The following CCBE1 variants were observed in gnomAD, a reference collection of about 807,000 sequenced individuals.
The protein encoded by CCBE1 is collagen and calcium binding EGF domains 1.
A neutral mutation model predicts 50.0 loss-of-function variants in CCBE1; 37 were observed. That is an observed-to-expected ratio of 0.74 (90% CI 0.57 to 0.97). The LOEUF (loss-of-function observed/expected upper bound fraction) is 0.97. Among genes scored for constraint, CCBE1 ranks in the 50% least tolerant of loss-of-function variants. The pLI, the probability that CCBE1 is intolerant of heterozygous loss-of-function variation, is 0.00. For synonymous variants in CCBE1, 234 were observed against 203.7 expected, an observed-to-expected ratio of 1.15 and a Z score of -1.27; for missense variants, 538 against 523.8, an observed-to-expected ratio of 1.03 and a Z score of -0.26.
intron 2 of CCBE1, among the ~76,000 whole-genome samples, chr18:59,496,227 A>G (rs2143822117): frequency 6.6e-6 from 1 of 152,260 alleles, no homozygotes; most frequent in South Asian, 2.1e-4. Flanking sequence ...CTACCATTGT[A>G]CATCCACACT....
At chr18:59,585,037 C>T (rs1230188458) in intron 2 of CCBE1, among the ~76,000 whole-genome samples, 1 of 152,114 alleles carries the variant, frequency 6.6e-6, no homozygotes, top group Non-Finnish European at 1.5e-5. Context: ...ACCTGGCTTG[C>T]AAGACGCACC....
In CCBE1 at chr18:59,437,426, G is replaced by C. The variant is rs1044837606; in HGVS notation, c.987+685C>G. Among the ~76,000 whole-genome samples, 8 of 152,296 alleles carry C rather than the reference G, an allele frequency of 5.3e-5. No homozygotes were observed. The East Asian group carries it at 1.5e-3, about 29-fold the overall frequency. On this transcript the variant is annotated intron_variant, in intron 10 of 10. Coordinates refer to ENST00000439986, the MANE Select transcript of CCBE1 (RefSeq NM_133459.4). ...TTCCACTATCGCCACTGCACAGTGG[G>C]GGGCAAGAATGCCCAGAGACCCTCA...
intron 2 of CCBE1, chr18:59,686,217 T>A (rs1335368128): frequency 6.6e-6 from 1 of 152,152 alleles, no homozygotes; most frequent in Non-Finnish European, 1.5e-5. Context: ...GTTTTTGGGG[T>A]CAGTGGGAAT....
At position 59,433,158 on chromosome 18, in the gene CCBE1, C is replaced by T. The variant is rs1910001108; in HGVS notation, c.*2750G>A. 1.3e-5 allele frequency: 2 copies of T among 152,204 alleles called. No homozygotes were observed. Among genetic ancestry groups the T allele is most frequent in the South Asian group, 2.1e-4 (1 of 4,818 alleles). 9.4% of individuals were successfully genotyped at this position (152,204 alleles called of 1,614,324 possible). ...AAGATGCTAGATAAAGAGCACCCCA[C>T]CCTAAAAAGAAATTTTTTCTTTTTA... On this transcript the variant is annotated 3_prime_UTR_variant, in exon 11 of 11. Transcript: ENST00000439986.
At chr18:59,595,114 CAAAAA>C (rs546035209) in intron 2 of CCBE1, among the ~76,000 whole-genome samples, 3 of 73,586 alleles carry the variant, frequency 4.1e-5, no homozygotes, top group African/African-American at 1.3e-4. Context: ...GACTCTGTCT[CAAAAA>C]AAAAAAAAAA....
Position 59,480,178 on chromosome 18 carries a change from T to C in CCBE1, c.265+8A>G, listed in dbSNP as rs181010692. On this transcript the variant is annotated splice_region_variant and intron_variant, in intron 3 of 10. Transcript: ENST00000439986. ...AAAGTCAGACAATATCTTTTTTATA[T>C]TACATACCTTCTGGGATGCATTGTC... The C allele has an allele frequency of 6.4e-7, 1 of 1,557,572 alleles. No individual in the cohort carries two copies. Among genetic ancestry groups the C allele is most frequent in the Non-Finnish European group, 8.9e-7 (1 of 1,129,284 alleles).
intron 2 of CCBE1, among the ~76,000 whole-genome samples, chr18:59,600,904 G>A (rs2851842): frequency 0.54 from 81,091 of 150,898 alleles, 22,863 homozygotes; most frequent in East Asian, 0.74. Flanking sequence ...TATACATAAT[G>A]ATTTTTCCTT....
rs534758342 is a variant in CCBE1, at chr18:59,507,244, A to C, written c.213-27006T>G. On this transcript the variant is annotated intron_variant, in intron 2 of 10. Transcript: ENST00000439986. Reference sequence around the variant, plus strand: ...CAGGATTCAGCCCTCCATTTCATTCACTCTACCAAAGATCAAGCCCTGTCA... The same window carrying C: ...CAGGATTCAGCCCTCCATTTCATTCCCTCTACCAAAGATCAAGCCCTGTCA... 1.3e-4 allele frequency among the ~76,000 whole-genome samples: 19 copies of C among 151,994 alleles called. No individual in the cohort carries two copies. In the South Asian group the frequency reaches 4.0e-3, roughly 32 times the overall value.
At chr18:59,514,146 G>T (rs899662007) in intron 2 of CCBE1, among the ~76,000 whole-genome samples, 1 of 152,246 alleles carries the variant, frequency 6.6e-6, no homozygotes, top group Non-Finnish European at 1.5e-5. Context: ...GACCAATTCT[G>T]CATCTTTTAC....
At chr18:59,556,226 G>C (rs888306374) in intron 2 of CCBE1, among the ~76,000 whole-genome samples, 1 of 152,174 alleles carries the variant, frequency 6.6e-6, no homozygotes, top group Non-Finnish European at 1.5e-5. Flanking sequence ...CAGACAAGGT[G>C]TCTTGTCCTC....
intron 2 of CCBE1, among the ~76,000 whole-genome samples, chr18:59,538,829 T>A (rs1915352752): frequency 6.6e-6 from 1 of 152,176 alleles, no homozygotes; most frequent in Non-Finnish European, 1.5e-5. Context: ...GGGTAGGGAC[T>A]TATTTCTAAC....
chr18:59,693,002 AC>A (rs2054755765), intron 2 of CCBE1, among the ~76,000 whole-genome samples: 2 of 149,592 alleles, frequency 1.3e-5, no homozygotes, highest in South Asian at 4.3e-4. Context: ...ACACACACAC[AC>A]AAACAAAAAA....
intron 2 of CCBE1, among the ~76,000 whole-genome samples, chr18:59,647,327 T>C (rs1278577537): frequency 6.6e-6 from 1 of 152,180 alleles, no homozygotes; most frequent in Non-Finnish European, 1.5e-5. Context: ...CCATATGTTA[T>C]GTGAAAAAAA....
At chr18:59,610,725 C>T (rs147726806) in intron 2 of CCBE1, among the ~76,000 whole-genome samples, 4 of 152,176 alleles carry the variant, frequency 2.6e-5, no homozygotes, top group Non-Finnish European at 4.4e-5. Flanking sequence ...TCAGAAAATA[C>T]GCCTAACAAG....
chr18:59,457,374 A>G (rs1430391527), intron 5 of CCBE1, among the ~76,000 whole-genome samples: 1 of 152,222 alleles, frequency 6.6e-6, no homozygotes, highest in East Asian at 1.9e-4. Flanking sequence ...TTCTGGGTGC[A>G]GGTCCCATCT....
At position 59,435,420 on chromosome 18, in the gene CCBE1, T is replaced by A; in HGVS notation, c.*488A>T. On this transcript the variant is annotated 3_prime_UTR_variant, in exon 11 of 11. Transcript: ENST00000439986. Reference sequence around the variant, plus strand: ...TTCTCCACCAAAGCACATCGACACGTTTGTCCTCCCCACCCCTTTTTAACT... The same window carrying A: ...TTCTCCACCAAAGCACATCGACACGATTGTCCTCCCCACCCCTTTTTAACT... 5.9e-6 allele frequency: 1 copy of A among 168,344 alleles called. No homozygotes were observed. Among genetic ancestry groups the A allele is most frequent in the Non-Finnish European group, 1.3e-5 (1 of 77,066 alleles). The allele number at this position is 168,344 out of a possible 1,614,324, so 10.4% of individuals were successfully genotyped here.
chr18:59,601,997 A>G (rs976100116), intron 2 of CCBE1, among the ~76,000 whole-genome samples: 21 of 152,174 alleles, frequency 1.4e-4, no homozygotes, highest in African/African-American at 5.1e-4. Context: ...AACCTGAAAC[A>G]TTTAAAAATA....
chr18:59,472,924 C>G (rs1912105104), intron 3 of CCBE1, among the ~76,000 whole-genome samples: 1 of 152,214 alleles, frequency 6.6e-6, no homozygotes, highest in Admixed American at 6.5e-5. Flanking sequence ...CATGGGAACT[C>G]TCATTTATAA....
intron 2 of CCBE1, among the ~76,000 whole-genome samples, chr18:59,539,184 A>AAC (rs68072077): frequency 1.3e-3 from 177 of 133,576 alleles, no homozygotes; most frequent in South Asian, 0.01. Context: ...ATATTTAAAA[A>AAC]ACACACACAC....
Sources: gnomAD v4.1 joint callset for allele counts (sites outside exome capture counted in the v4.1 genomes callset) on GRCh38, gnomAD v4.1.1 for gene constraint, MANE v1.5 for transcripts, NCBI Gene and HGNC (gene_info 2026-07-23, HGNC 2026-07-21) for gene names.